The following DAB1 variants were observed in gnomAD, a reference collection of about 807,000 sequenced individuals.
DAB1 encodes the protein DAB adaptor protein 1.
Under a neutral mutation model 64.6 loss-of-function variants are expected in DAB1, and 15 were observed. The observed-to-expected ratio is 0.23, with a 90% CI of 0.16 to 0.36. The LOEUF is 0.36. Among genes scored for constraint, DAB1 ranks in the 10% least tolerant of loss-of-function variants. The pLI is 1.00. For synonymous variants in DAB1, 235 were observed against 251.9 expected (o/e 0.93, Z 0.64); for missense variants, 596 against 706.7 (o/e 0.84, Z 1.78).
At chr1:57,494,298 T>C (rs1644203716) in intron 7 of DAB1, among the ~76,000 whole-genome samples, 2 of 152,108 alleles carry the variant, frequency 1.3e-5, no homozygotes, top group African/African-American at 2.4e-5. Context: ...TCTATTGAAG[T>C]TCCAGGTTTC....
chr1:58,089,959 C>G (rs1650542005), intron 5 of DAB1, among the ~76,000 whole-genome samples: 1 of 152,182 alleles, frequency 6.6e-6, no homozygotes, highest in South Asian at 2.1e-4. Context: ...GAAACAATTA[C>G]CTAGACTCAA....
intron 3 of DAB1, chr1:58,468,173 T>G (rs1456264519): frequency 6.6e-6 from 1 of 152,282 alleles, no homozygotes; most frequent in Non-Finnish European, 1.5e-5. Flanking sequence ...TCCACCCACC[T>G]TGGCCTCCCA....
intron 5 of DAB1, among the ~76,000 whole-genome samples, chr1:57,889,990 G>A (rs1322806497): frequency 6.6e-6 from 1 of 151,014 alleles, no homozygotes; most frequent in Non-Finnish European, 1.5e-5. Flanking sequence ...CTTCTCATAA[G>A]AAGGCTGAAA....
intron 1 of DAB1, among the ~76,000 whole-genome samples, chr1:57,392,155 C>A (rs559512369): frequency 1.3e-5 from 2 of 152,254 alleles, no homozygotes; most frequent in Non-Finnish European, 2.9e-5. Context: ...GGACAGATCA[C>A]AAGATCAGGA....
intron 2 of DAB1, among the ~76,000 whole-genome samples, chr1:57,183,968 T>C (rs1475475848): frequency 6.6e-6 from 1 of 152,054 alleles, no homozygotes; most frequent in Non-Finnish European, 1.5e-5. Context: ...AAGATTGATG[T>C]TGGGGAGGGG....
In DAB1 at chr1:57,580,252, C is replaced by T. The variant is rs187431722; in HGVS notation, n.625+69340G>A. ...AGCCTGGGTCTCAAAACTATGACTG[C>T]GCACACATATACAAAAACCACAACA... On this transcript the variant is annotated intron_variant and non_coding_transcript_variant, in intron 7 of 20. Transcript: ENST00000485760. Among the ~76,000 whole-genome samples the T allele has an allele frequency of 5.1e-3, 772 of 152,176 alleles. 19 individuals are homozygous for T. Among genetic ancestry groups the T allele is most frequent in the African/African-American group, 2.3e-3 (94 of 41,524 alleles).
intron 7 of DAB1, among the ~76,000 whole-genome samples, chr1:57,458,608 G>A (rs1686680787): frequency 1.3e-5 from 2 of 151,896 alleles, no homozygotes; most frequent in African/African-American, 2.4e-5. Flanking sequence ...TCTATCATAA[G>A]CAAATAATCC....
intron 5 of DAB1, among the ~76,000 whole-genome samples, chr1:58,070,243 C>A (rs182829719): frequency 2.0e-5 from 3 of 152,280 alleles, no homozygotes; most frequent in Non-Finnish European, 4.4e-5. Flanking sequence ...GAAGAGAAAT[C>A]TCCACCAAAG....
intron 4 of DAB1, among the ~76,000 whole-genome samples, chr1:58,301,226 G>C (rs1662161872): frequency 8.0e-6 from 1 of 125,490 alleles, no homozygotes; most frequent in African/African-American, 2.7e-5. Context: ...AGATATGTGG[G>C]GGTGGAGAGG....
chr1:57,596,034 T>C (rs889532112), intron 7 of DAB1, among the ~76,000 whole-genome samples: 2 of 152,152 alleles, frequency 1.3e-5, no homozygotes, highest in African/African-American at 2.4e-5. Context: ...ACACCTTGGT[T>C]TTATTTGTTG....
At chr1:58,477,378 C>T (rs1182675130) in intron 3 of DAB1, among the ~76,000 whole-genome samples, 1 of 152,144 alleles carries the variant, frequency 6.6e-6, no homozygotes, top group Non-Finnish European at 1.5e-5. Flanking sequence ...TGTTTATTTG[C>T]CTGCTGAAAG....
rs1019991372 is a variant in DAB1, at chr1:58,266,820, G to A, written n.309+76532C>T. On this transcript the variant is annotated intron_variant and non_coding_transcript_variant, in intron 4 of 20. Transcript: ENST00000485760. ...TTGGCAAAGAGCTTGAATAGGTATC[G>A]TCCAAAGAAGATATACAAATGTCTA... 4.6e-5 allele frequency among the ~76,000 whole-genome samples: 7 copies of A among 152,208 alleles called. No individual in the cohort carries two copies. The East Asian group carries it at 1.2e-3, about 25-fold the overall frequency.
At chr1:57,069,320 A>G (rs1651228721) in intron 8 of DAB1, 40 bp downstream of exon 8, 1 of 1,456,460 alleles carries the variant, frequency 6.9e-7, no homozygotes, top group Non-Finnish European at 9.6e-7. Context: ...TGCATGTACT[A>G]GTAGTGGTGC....
intron 3 of DAB1, among the ~76,000 whole-genome samples, chr1:58,492,869 C>T (rs948085103): frequency 2.0e-5 from 3 of 152,300 alleles, no homozygotes; most frequent in Non-Finnish European, 2.9e-5. Context: ...CCTTCTGAAA[C>T]TATTCCAATC....
intron 6 of DAB1, among the ~76,000 whole-genome samples, chr1:57,738,803 C>T (rs139126214): frequency 3.9e-5 from 6 of 152,268 alleles, no homozygotes; most frequent in South Asian, 2.1e-4. Context: ...ATATCAATAA[C>T]GGGAGGCAAT....
downstream of DAB1, among the ~76,000 whole-genome samples, chr1:57,824,290 G>A (rs1652249953): frequency 6.6e-6 from 1 of 152,080 alleles, no homozygotes; most frequent in Non-Finnish European, 1.5e-5. Flanking sequence ...GGTGAGGGTG[G>A]GGGTTCACCT....
intron 3 of DAB1, among the ~76,000 whole-genome samples, chr1:58,473,178 C>T (rs1348190894): frequency 6.6e-6 from 1 of 152,192 alleles, no homozygotes; most frequent in Non-Finnish European, 1.5e-5. Flanking sequence ...GCTTGCAAGG[C>T]CAAGGTAAGT....
intron 7 of DAB1, among the ~76,000 whole-genome samples, chr1:57,460,253 C>T (rs931331420): frequency 1.3e-5 from 2 of 152,184 alleles, no homozygotes; most frequent in Non-Finnish European, 2.9e-5. Context: ...GTCCCCATCC[C>T]CTTGTTTGGG....
intron 1 of DAB1, among the ~76,000 whole-genome samples, chr1:57,389,466 TG>T (rs900340442): frequency 1.3e-5 from 2 of 152,188 alleles, no homozygotes; most frequent in African/African-American, 4.8e-5. Flanking sequence ...TGTACCCATG[TG>T]GGTTCAACTA....
Sources: gnomAD v4.1 joint callset for allele counts (sites outside exome capture counted in the v4.1 genomes callset) on GRCh38, gnomAD v4.1.1 for gene constraint, MANE v1.5 for transcripts, NCBI Gene and HGNC (gene_info 2026-07-23, HGNC 2026-07-21) for gene names.